CUL1: variants seen among roughly 807,000 people sequenced by gnomAD.
CUL1 encodes the protein cullin 1.
Under a neutral mutation model 118.0 loss-of-function variants are expected in CUL1, and 24 were observed. The observed-to-expected ratio is 0.20, with a 90% CI of 0.15 to 0.29. The LOEUF (loss-of-function observed/expected upper bound fraction) is 0.29. CUL1 is among the 10% of genes least tolerant of loss of function. The pLI is 1.00. For missense variants in CUL1, 361 were observed against 933.8 expected (o/e 0.39, Z 7.99); for synonymous variants, 332 against 340.4 (o/e 0.98, Z 0.27).
chr7:148,755,391 A>G (rs1212287051), intron 3 of CUL1, among the ~76,000 whole-genome samples: 1 of 152,252 alleles, frequency 6.6e-6, no homozygotes, highest in Non-Finnish European at 1.5e-5. Flanking sequence ...TATTTACACA[A>G]TGTGCAAAAA....
chr7:148,781,727 C>T (rs535746150), intron 9 of CUL1, among the ~76,000 whole-genome samples: 70 of 152,242 alleles, frequency 4.6e-4, no homozygotes, highest in Admixed American at 1.5e-3. Context: ...CTGGCGTTTT[C>T]GGGAATGAGG....
rs565008951 is a variant in CUL1 at position 148,800,754 on chromosome 7, T to C, written c.*172T>C. On this transcript the variant is annotated 3_prime_UTR_variant, in exon 22 of 22. Coordinates refer to ENST00000325222, the MANE Select transcript of CUL1 (RefSeq NM_003592.3). This position sits in a 1 kb window ranked among gnomAD's most constrained non-coding sequence, Gnocchi z 4.6. ...GGATTTACATCGGAACTGCTCAGGA[T>C]TGATACATTTCAAGTCTGTAAATAC... The C allele has an allele frequency of 2.7e-5, 16 of 582,556 alleles. No individual in the cohort carries two copies. In the East Asian group the frequency reaches 3.8e-4, roughly 14 times the overall value. 36.1% of individuals were successfully genotyped at this position (582,556 alleles called of 1,614,324 possible). A position where few individuals can be genotyped will look rare whatever the true frequency, so the allele number is the denominator to read the frequency against.
chr7:148,778,218 G>A (rs1800483794), intron 9 of CUL1, among the ~76,000 whole-genome samples: 1 of 152,060 alleles, frequency 6.6e-6, no homozygotes, highest in South Asian at 2.1e-4. Context: ...TATTGAAAGA[G>A]GTGAGATGAT....
rs775726698 is a variant in CUL1, at chr7:148,790,492, G to A, written c.1806+51G>A. The A allele has an allele frequency of 2.0e-6, 3 of 1,488,526 alleles. No homozygotes were observed. In the South Asian group the frequency reaches 3.5e-5, roughly 18 times the overall value. The allele number at this position is 1,488,526 out of a possible 1,614,324, so 92.2% of individuals were successfully genotyped here. ...TTTTTCTATTCTAAATGAACATAAGGCAAATTATGGAAATCATTATCAGCT... is the reference window on the plus strand; with the variant it reads ...TTTTTCTATTCTAAATGAACATAAGACAAATTATGGAAATCATTATCAGCT... On this transcript the variant is annotated intron_variant, in intron 16 of 21. Transcript: ENST00000325222.
rs368408909 is a variant in CUL1, at chr7:148,788,595, C to T, written c.1518C>T (p.Arg506=). The change falls in exon 14 of 22, where the codon CGC becomes CGT. Residue 506 remains arginine (R), a synonymous_variant. Transcript: ENST00000325222. ...TCGAGTACACCTCTAAACTTCAGCG[C>T]ATGTTTCAAGACATTGGCGTGAGCA... ...CGFEYTSKLQ[R]MFQDIGVSKD... 8.0e-5 allele frequency: 129 copies of T among 1,614,032 alleles called. No homozygotes were observed. Among genetic ancestry groups the T allele is most frequent in the Non-Finnish European group, 1.0e-4 (122 of 1,180,032 alleles).
chr7:148,742,917 C>G (rs902892455), intron 2 of CUL1, among the ~76,000 whole-genome samples: 4 of 152,158 alleles, frequency 2.6e-5, no homozygotes, highest in African/African-American at 9.7e-5. Flanking sequence ...TCTACCTTTT[C>G]TGATATAAGT....
At chr7:148,749,815 G>A (rs1275158969) in intron 2 of CUL1, among the ~76,000 whole-genome samples, 2 of 152,228 alleles carry the variant, frequency 1.3e-5, no homozygotes, top group Non-Finnish European at 2.9e-5. Flanking sequence ...GCTGAGATAG[G>A]CCAAAAGCTA....
At chr7:148,790,749 C>T (rs1800974209) in intron 16 of CUL1, among the ~76,000 whole-genome samples, 1 of 152,202 alleles carries the variant, frequency 6.6e-6, no homozygotes, top group Non-Finnish European at 1.5e-5. Context: ...GGCACCGCTC[C>T]TGCCTGACAC....
chr7:148,760,614 G>C, intron 7 of CUL1, 118 bp downstream of exon 7: 1 of 749,688 alleles, frequency 1.3e-6, no homozygotes. Flanking sequence ...TGTTTTTCTA[G>C]AGTGTTTTTA....
intron 12 of CUL1, among the ~76,000 whole-genome samples, 174 bp from the exon 13 acceptor site, chr7:148,786,815 A>C (rs1368850602): frequency 6.6e-6 from 1 of 152,232 alleles, no homozygotes; most frequent in Non-Finnish European, 1.5e-5. Context: ...TAAGGGACTC[A>C]CAAAACTTTC....
chr7:148,786,693 G>A, intron 12 of CUL1, 94 bp downstream of exon 12: 1 of 1,049,866 alleles, frequency 9.5e-7, no homozygotes, highest in Non-Finnish European at 1.4e-6. Context: ...AATGTGAAAA[G>A]TAATAATCAT....
intron 1 of CUL1, among the ~76,000 whole-genome samples, chr7:148,713,002 G>A (rs1339411602): frequency 6.6e-6 from 1 of 151,990 alleles, no homozygotes; most frequent in Non-Finnish European, 1.5e-5. Flanking sequence ...TACATTCTAT[G>A]AGCTCTTTTT....
At chr7:148,773,381 C>T (rs1343757253) in intron 9 of CUL1, among the ~76,000 whole-genome samples, 3 of 152,062 alleles carry the variant, frequency 2.0e-5, no homozygotes, top group Non-Finnish European at 2.9e-5. Context: ...AGCTCAAATC[C>T]TCCCTTCTAG....
chr7:148,715,612 A>G (rs7789989), intron 1 of CUL1, among the ~76,000 whole-genome samples: 1 of 152,136 alleles, frequency 6.6e-6, no homozygotes, highest in Non-Finnish European at 1.5e-5. Flanking sequence ...TTTAAGCACA[A>G]AATTTTAGTC....
chr7:148,762,224 A>G (rs1799853415), intron 7 of CUL1, among the ~76,000 whole-genome samples: 1 of 152,228 alleles, frequency 6.6e-6, no homozygotes, highest in South Asian at 2.1e-4. Context: ...ATGCTGAGAT[A>G]GAAAGTCAAT....
At chr7:148,721,404 G>GTTAGCTTTTTA (rs1798391693) in intron 1 of CUL1, among the ~76,000 whole-genome samples, 1 of 149,862 alleles carries the variant, frequency 6.7e-6, no homozygotes. Context: ...TGAGGTTTTT[G>GTTAGCTTTTTA]TTAGCTTTTT....
intron 1 of CUL1, among the ~76,000 whole-genome samples, chr7:148,699,462 G>T (rs1344787122): frequency 6.6e-6 from 1 of 152,124 alleles, no homozygotes; most frequent in Non-Finnish European, 1.5e-5. Flanking sequence ...TCCGCGGGAC[G>T]CCGGGACCCG....
intron 3 of CUL1, among the ~76,000 whole-genome samples, chr7:148,755,281 C>T (rs1799619055): frequency 6.6e-6 from 1 of 152,142 alleles, no homozygotes; most frequent in Admixed American, 6.5e-5. Context: ...GCAAGTGGGT[C>T]CTTCATCTGG....
At chr7:148,764,136 T>A (rs1369734338) in intron 7 of CUL1, among the ~76,000 whole-genome samples, 1 of 152,234 alleles carries the variant, frequency 6.6e-6, no homozygotes, top group Non-Finnish European at 1.5e-5. Context: ...CTTCATTAAT[T>A]TGCTTGTCTT....
Sources: allele counts gnomAD v4.1 joint callset (sites outside exome capture counted in the v4.1 genomes callset), GRCh38; gene constraint gnomAD v4.1.1; non-coding constraint Gnocchi (gnomAD v3.1); transcripts MANE v1.5; gene names NCBI Gene and HGNC (gene_info 2026-07-23, HGNC 2026-07-21).